Variants in NIPAL3 observed in about 807,000 individuals in gnomAD.
The protein encoded by NIPAL3 is NIPA-like protein 3.
NIPAL3 carries 41 observed loss-of-function variants against 47.2 expected under a neutral mutation model. That is an observed-to-expected ratio of 0.87 (90% confidence interval 0.68 to 1.13). The LOEUF is 1.13. Among genes scored for constraint, NIPAL3 ranks in the 50% most tolerant of loss-of-function variants. The pLI, the probability that NIPAL3 is intolerant of heterozygous loss-of-function variation, is 0.00. For missense variants in NIPAL3, 449 were observed against 530.1 expected (o/e 0.85, Z 1.50); for synonymous variants, 194 against 209.6 (o/e 0.93, Z 0.64).
At position 24,456,190 on chromosome 1, in the gene NIPAL3, C is replaced by T. The variant is rs201682851; in HGVS notation, c.690C>T (p.Ser230=). 4.4e-5 allele frequency: 71 copies of T among 1,614,106 alleles called. No homozygotes were observed. The highest frequency in any genetic ancestry group is 6.8e-6 in the Non-Finnish European group (8 of 1,180,042). The change falls in exon 8 of 12, where the codon TCC becomes TCT. Residue 230 remains serine (S), a synonymous_variant. Transcript: ENST00000374399. Reference sequence around the variant, plus strand: ...CCGTGGCTGGGATGCTTGTCTTGTCCATTCAAGGGAACCTGCAGCTTGACT... The same window carrying T: ...CCGTGGCTGGGATGCTTGTCTTGTCTATTCAAGGGAACCTGCAGCTTGACT... ...VKAVAGMLVL[S]IQGNLQLDYP... is the part of the protein sequence containing the mutation.
intron 8 of NIPAL3, 135 bp downstream of exon 8, chr1:24,456,408 G>A (rs1557527942): frequency 1.6e-6 from 2 of 1,269,388 alleles, no homozygotes; most frequent in Admixed American, 2.0e-5. Flanking sequence ...ATGGAGAGAG[G>A]AGCTGCTAAT....
At chr1:24,417,797 G>C (rs1644129226) in intron 1 of NIPAL3, among the ~76,000 whole-genome samples, 1 of 152,216 alleles carries the variant, frequency 6.6e-6, no homozygotes, top group East Asian at 1.9e-4. Flanking sequence ...CCATGAACCA[G>C]AATTCCTGGG....
intron 9 of NIPAL3, among the ~76,000 whole-genome samples, chr1:24,459,880 C>G (rs989389595): frequency 6.6e-6 from 1 of 152,212 alleles, no homozygotes; most frequent in African/African-American, 2.4e-5. Context: ...ATCAGGAGCT[C>G]AGGAATACAG....
intron 2 of NIPAL3, among the ~76,000 whole-genome samples, chr1:24,433,890 T>G (rs947895823): frequency 1.3e-5 from 2 of 152,232 alleles, no homozygotes; most frequent in African/African-American, 2.4e-5. Context: ...TGAACTAGAT[T>G]GTTATAAATT....
chr1:24,419,773 A>ATTCCCTTGTCTGTGT, intron 2 of NIPAL3, 133 bp downstream of exon 2: 2 of 760,880 alleles, frequency 2.6e-6, no homozygotes, highest in Non-Finnish European at 4.4e-6. Flanking sequence ...CTCTTCACAC[A>ATTCCCTTGTCTGTGT]GACAAGGGAA....
chr1:24,430,994 A>G (rs1644852424), intron 2 of NIPAL3, among the ~76,000 whole-genome samples: 1 of 152,234 alleles, frequency 6.6e-6, no homozygotes, highest in Admixed American at 6.5e-5. Context: ...AGAGCAGGAA[A>G]TTTAGCTCAT....
chr1:24,426,264 T>C (rs1383496367), intron 2 of NIPAL3, among the ~76,000 whole-genome samples: 1 of 151,882 alleles, frequency 6.6e-6, no homozygotes, highest in Non-Finnish European at 1.5e-5. Flanking sequence ...TGTATGTTAA[T>C]AGAGCCCCCT....
At chr1:24,450,289 A>T (rs1326440981) in intron 6 of NIPAL3, among the ~76,000 whole-genome samples, 1 of 152,200 alleles carries the variant, frequency 6.6e-6, no homozygotes, top group Non-Finnish European at 1.5e-5. Context: ...CATCTTTATG[A>T]ATTGTCCAAA....
intron 9 of NIPAL3, among the ~76,000 whole-genome samples, 157 bp from the exon 10 acceptor site, chr1:24,460,324 A>G (rs1463443770): frequency 6.6e-6 from 1 of 152,252 alleles, no homozygotes; most frequent in Non-Finnish European, 1.5e-5. Context: ...CTGATCCCCT[A>G]AATGGCTTTT....
intron 2 of NIPAL3, among the ~76,000 whole-genome samples, chr1:24,427,933 C>T (rs980590613): frequency 6.6e-6 from 1 of 152,154 alleles, no homozygotes; most frequent in Non-Finnish European, 1.5e-5. Flanking sequence ...TCCCTCTTCC[C>T]CAGGGCAGGT....
intron 1 of NIPAL3, among the ~76,000 whole-genome samples, chr1:24,419,084 T>C (rs908457120): frequency 1.3e-5 from 2 of 152,222 alleles, no homozygotes; most frequent in East Asian, 3.9e-4. Context: ...TTGAGATAGA[T>C]GAGTCAGGTT....
In NIPAL3 at chr1:24,442,241, GC is replaced by G; in HGVS notation, c.334+19del. 6.2e-7 allele frequency: 1 copy of G among 1,611,552 alleles called. No individual in the cohort carries two copies. Among genetic ancestry groups the G allele is most frequent in the South Asian group, 1.1e-5 (1 of 90,870 alleles). On this transcript the variant is annotated intron_variant, in intron 4 of 11. Coordinates refer to ENST00000374399, the MANE Select transcript of NIPAL3 (RefSeq NM_020448.5). ...TTCTGTGATAGGTAAGACCAGGGCT[GC>G]CCCACCCTCCCCTGGGGTGCTCCCA...
intron 2 of NIPAL3, among the ~76,000 whole-genome samples, chr1:24,420,997 C>T (rs558041010): frequency 7.2e-5 from 11 of 152,246 alleles, no homozygotes; most frequent in African/African-American, 2.6e-4. Flanking sequence ...CATCTGATTA[C>T]TGGGATTTAT....
Position 24,451,462 on chromosome 1 carries a change from G to A in NIPAL3, c.540+1836G>A, listed in dbSNP as rs967038594. On this transcript the variant is annotated intron_variant, in intron 6 of 11. Transcript: ENST00000374399. This position sits in a 1 kb window ranked among gnomAD's most constrained non-coding sequence, Gnocchi z 4.5. ...TATAATCTCAGCACTTTGGGAGGCCGAGGTAGGAGGATTGCTTGAGCCCAG... is the reference window on the plus strand; with the variant it reads ...TATAATCTCAGCACTTTGGGAGGCCAAGGTAGGAGGATTGCTTGAGCCCAG... 1.3e-5 allele frequency among the ~76,000 whole-genome samples: 2 copies of A among 152,100 alleles called. No individual in the cohort carries two copies. Among genetic ancestry groups the A allele is most frequent in the East Asian group, 1.9e-4 (1 of 5,190 alleles).
At chr1:24,440,422 C>T (rs1304173645) in intron 3 of NIPAL3, among the ~76,000 whole-genome samples, 182 bp downstream of exon 3, 1 of 152,174 alleles carries the variant, frequency 6.6e-6, no homozygotes, top group African/African-American at 2.4e-5. Flanking sequence ...CCCACTCCAT[C>T]CCGCCCTCGC....
chr1:24,470,915 G>A lies in NIPAL3; in HGVS notation c.*1730G>A, dbSNP rs1646879920. ...ACAATATTTATAAGGCATTTACTGT[G>A]TGCTAAGCATTTGGAAGACCCAGGC... On this transcript the variant is annotated 3_prime_UTR_variant, in exon 12 of 12. Transcript: ENST00000374399. 1 of 152,200 alleles carries A rather than the reference G, an allele frequency of 6.6e-6. No homozygotes were observed. 9.4% of individuals were successfully genotyped at this position (152,200 alleles called of 1,614,324 possible).
chr1:24,419,315 AC>A lies in NIPAL3; in HGVS notation c.-229del. 8.0e-7 allele frequency: 1 copy of A among 1,244,780 alleles called. No homozygotes were observed. The highest frequency in any genetic ancestry group is 1.0e-6 in the Non-Finnish European group (1 of 994,100). The allele number at this position is 1,244,780 out of a possible 1,614,324, so 77.1% of individuals were successfully genotyped here. On this transcript the variant is annotated 5_prime_UTR_variant, in exon 2 of 12. The change creates a premature stop within an existing upstream ORF in the 5' untranslated region. Transcript: ENST00000374399. Reference sequence around the variant, plus strand: ...GAGCACCGCAAGAACTGGAAAACACACCCCTCTCTGTCTGCCTGGGAGAGCC... The same window carrying A: ...GAGCACCGCAAGAACTGGAAAACACACCCTCTCTGTCTGCCTGGGAGAGCC...
chr1:24,433,368 A>G (rs911103123), intron 2 of NIPAL3, among the ~76,000 whole-genome samples: 8 of 152,132 alleles, frequency 5.3e-5, no homozygotes, highest in Admixed American at 1.3e-4. Flanking sequence ...TCAGGCCACA[A>G]ATGGGTTGAG....
rs1468824822 is a variant in NIPAL3, at chr1:24,454,455, T to A, written c.637+951T>A. 1.7e-5 allele frequency: 17 copies of A among 996,354 alleles called. No individual in the cohort carries two copies. The highest frequency in any genetic ancestry group is 2.0e-5 in the Non-Finnish European group (17 of 836,392). 61.7% of individuals were successfully genotyped at this position (996,354 alleles called of 1,614,324 possible). ...GTGCACAGGTGGCTAATATGTGCATTTTTCTTCCAACCTTCCTACTGTGTG... is the reference window on the plus strand; with the variant it reads ...GTGCACAGGTGGCTAATATGTGCATATTTCTTCCAACCTTCCTACTGTGTG... On this transcript the variant is annotated intron_variant, in intron 7 of 11. Coordinates refer to ENST00000374399, the MANE Select transcript of NIPAL3 (RefSeq NM_020448.5). The surrounding 1 kb of genome is among the most constrained non-coding windows in gnomAD (Gnocchi z 4.1).
Sources: gnomAD v4.1 joint callset for allele counts (sites outside exome capture counted in the v4.1 genomes callset) on GRCh38, gnomAD v4.1.1 for gene constraint, Gnocchi (gnomAD v3.1) non-coding constraint, MANE v1.5 for transcripts, NCBI Gene and HGNC (gene_info 2026-07-23, HGNC 2026-07-21) for gene names.